Variants in GRM8 observed in about 807,000 individuals in gnomAD.
GRM8 encodes the protein metabotropic glutamate receptor 8.
Under a neutral mutation model 87.2 loss-of-function variants are expected in GRM8, and 47 were observed. The ratio of observed to expected loss-of-function variants is 0.54; its 90% CI spans 0.43 to 0.69. The LOEUF (loss-of-function observed/expected upper bound fraction) is 0.69. Ranked by LOEUF, GRM8 falls within the 30% of genes least tolerant of loss-of-function variation. The pLI, the probability that GRM8 is intolerant of heterozygous loss-of-function variation, is 0.00. For missense variants in GRM8, 1,019 were observed against 1,139.2 expected (o/e 0.89, Z 1.52); for synonymous variants, 396 against 404.5 (o/e 0.98, Z 0.25).
intron 9 of GRM8, among the ~76,000 whole-genome samples, chr7:126,499,488 C>T (rs930808521): frequency 3.3e-5 from 5 of 151,396 alleles, no homozygotes; most frequent in South Asian, 4.2e-4. Context: ...AAAATGACAT[C>T]GGTATGATGA....
At chr7:126,657,358 C>G (rs1038529106) in intron 7 of GRM8, among the ~76,000 whole-genome samples, 3 of 152,120 alleles carry the variant, frequency 2.0e-5, no homozygotes, top group Admixed American at 6.5e-5. Context: ...CGCAAATACT[C>G]TTGTACCAAC....
chr7:127,004,598 T>C (rs568384756), intron 3 of GRM8, among the ~76,000 whole-genome samples: 1 of 151,804 alleles, frequency 6.6e-6, no homozygotes, highest in South Asian at 2.1e-4. Flanking sequence ...AATTTATAAA[T>C]GATCATCTGT....
intron 3 of GRM8, among the ~76,000 whole-genome samples, chr7:127,059,113 A>G (rs1340899300): frequency 6.6e-6 from 1 of 152,170 alleles, no homozygotes; most frequent in Admixed American, 6.5e-5. Context: ...GACTCAGAAA[A>G]GGAAAGGATA....
At chr7:126,920,401 G>A (rs1168969201) in intron 3 of GRM8, among the ~76,000 whole-genome samples, 1 of 152,166 alleles carries the variant, frequency 6.6e-6, no homozygotes, top group Non-Finnish European at 1.5e-5. Flanking sequence ...GAAAAGAGGA[G>A]AGAAATGTCA....
At chr7:126,921,592 G>A (rs1234653544) in intron 3 of GRM8, among the ~76,000 whole-genome samples, 3 of 152,108 alleles carry the variant, frequency 2.0e-5, no homozygotes, top group Non-Finnish European at 2.9e-5. Context: ...CAATTACAGA[G>A]AAGGATTAAG....
At chr7:126,647,383 C>T (rs1036853876) in intron 7 of GRM8, among the ~76,000 whole-genome samples, 17 of 150,328 alleles carry the variant, frequency 1.1e-4, no homozygotes, top group African/African-American at 3.9e-4. Context: ...ATAAATATAT[C>T]TATTTATATA....
chr7:127,125,765 A>AC (rs1554598093), intron 2 of GRM8, among the ~76,000 whole-genome samples: 1 of 141,094 alleles, frequency 7.1e-6, no homozygotes, highest in African/African-American at 2.7e-5. Flanking sequence ...CAAACAACTA[A>AC]ACACACACAC....
chr7:127,120,891 G>T (rs1173144798), intron 2 of GRM8, among the ~76,000 whole-genome samples: 1 of 152,154 alleles, frequency 6.6e-6, no homozygotes, highest in Non-Finnish European at 1.5e-5. Flanking sequence ...TCAAATGCTA[G>T]CATGGAGTTT....
chr7:126,985,161 A>G (rs1159674984), intron 3 of GRM8, among the ~76,000 whole-genome samples: 1 of 152,162 alleles, frequency 6.6e-6, no homozygotes, highest in South Asian at 2.1e-4. Context: ...CTTTATATAT[A>G]TTAATATTTC....
intron 3 of GRM8, among the ~76,000 whole-genome samples, chr7:126,975,422 G>A (rs990638347): frequency 1.3e-5 from 2 of 152,210 alleles, no homozygotes; most frequent in Non-Finnish European, 2.9e-5. Flanking sequence ...TATGTTACCA[G>A]GACGTGGCCC....
intron 7 of GRM8, among the ~76,000 whole-genome samples, chr7:126,624,360 G>A (rs1800462787): frequency 1.3e-5 from 2 of 152,058 alleles, no homozygotes; most frequent in African/African-American, 4.8e-5. Flanking sequence ...TCTTCCCAGT[G>A]TTCTTCCCGA....
chr7:126,577,514 A>C (rs1007719858), intron 8 of GRM8, among the ~76,000 whole-genome samples: 1 of 152,156 alleles, frequency 6.6e-6, no homozygotes, highest in Admixed American at 6.6e-5. Flanking sequence ...CCAAAGTGTA[A>C]AACACTATGA....
At position 126,625,704 on chromosome 7, in the gene GRM8, T is replaced by C. The variant is rs1381457264; in HGVS notation, c.1358-16206A>G. 3.3e-5 allele frequency among the ~76,000 whole-genome samples: 5 copies of C among 152,288 alleles called. No homozygotes were observed. The East Asian group carries it at 5.8e-4, about 18-fold the overall frequency. On this transcript the variant is annotated intron_variant, in intron 7 of 10. Transcript: ENST00000339582. ...TTTTAAAATAGGAAAAGACCCATTA[T>C]TCTGTGATATGCATCTCAGGGAAGC...
intron 6 of GRM8, among the ~76,000 whole-genome samples, chr7:126,842,900 C>T (rs552100522): frequency 2.3e-4 from 35 of 152,102 alleles, no homozygotes; most frequent in African/African-American, 3.1e-4. Flanking sequence ...TAAGACAATA[C>T]GCCTGTGTTC....
At chr7:126,757,685 T>A (rs1386334305) in intron 7 of GRM8, among the ~76,000 whole-genome samples, 1 of 152,148 alleles carries the variant, frequency 6.6e-6, no homozygotes, top group Non-Finnish European at 1.5e-5. Context: ...TTTTCTCTGA[T>A]TGAGTTGCGT....
intron 9 of GRM8, among the ~76,000 whole-genome samples, chr7:126,482,655 A>C (rs1806834239): frequency 6.6e-6 from 1 of 151,984 alleles, no homozygotes. Flanking sequence ...GGAATTGAGA[A>C]GATATTGTTT....
chr7:126,531,762 T>C (rs1021215192), intron 9 of GRM8, among the ~76,000 whole-genome samples: 10 of 152,324 alleles, frequency 6.6e-5, no homozygotes, highest in Admixed American at 2.6e-4. Context: ...GCCACATTGA[T>C]TGAGGAAGGG....
intron 7 of GRM8, among the ~76,000 whole-genome samples, chr7:126,767,010 C>T (rs2151595828): frequency 6.6e-6 from 1 of 152,278 alleles, no homozygotes; most frequent in Non-Finnish European, 1.5e-5. Flanking sequence ...GCCACTGGGA[C>T]TCTTCAAGGT....
At chr7:127,251,973 C>G (rs1587379911) in intron 1 of GRM8, among the ~76,000 whole-genome samples, 1 of 151,992 alleles carries the variant, frequency 6.6e-6, no homozygotes. Flanking sequence ...TGTCGAGGAC[C>G]CCGAAGCGCC....
Sources: allele counts gnomAD v4.1 joint callset (sites outside exome capture counted in the v4.1 genomes callset), GRCh38; gene constraint gnomAD v4.1.1; transcripts MANE v1.5; gene names NCBI Gene and HGNC (gene_info 2026-07-23, HGNC 2026-07-21).